Variants in PPP2R5E observed in about 807,000 individuals in gnomAD.
PPP2R5E encodes the protein serine/threonine-protein phosphatase 2A 56 kDa regulatory subunit epsilon isoform.
A neutral mutation model predicts 65.3 loss-of-function variants in PPP2R5E; 4 were observed. That is an observed-to-expected ratio of 0.06 (90% CI 0.03 to 0.14). The LOEUF (loss-of-function observed/expected upper bound fraction) is 0.14, where lower values mean the gene tolerates loss of function less well. Ranked by LOEUF, PPP2R5E falls within the 10% of genes least tolerant of loss-of-function variation. The pLI, the probability that PPP2R5E is intolerant of heterozygous loss-of-function variation, is 1.00. For missense variants in PPP2R5E, 274 were observed against 556.1 expected, an observed-to-expected ratio of 0.49 and a Z score of 5.10; for synonymous variants, 183 against 187.4, an observed-to-expected ratio of 0.98 and a Z score of 0.19.
intron 2 of PPP2R5E, among the ~76,000 whole-genome samples, chr14:63,459,565 A>C (rs1889339667): frequency 1.3e-5 from 2 of 152,204 alleles, no homozygotes; most frequent in Admixed American, 1.3e-4. Flanking sequence ...CCCAGAACCA[A>C]TCTGTTAACT....
chr14:63,389,814 G>A (rs990362313), intron 10 of PPP2R5E, 83 bp from the exon 11 acceptor site: 2 of 1,346,782 alleles, frequency 1.5e-6, no homozygotes, highest in Admixed American at 3.5e-5. Flanking sequence ...TGAGAGTTTG[G>A]ATTATTTTAA....
intron 5 of PPP2R5E, among the ~76,000 whole-genome samples, chr14:63,401,143 T>C (rs552743605): frequency 1.3e-5 from 2 of 152,322 alleles, no homozygotes; most frequent in East Asian, 1.9e-4. Context: ...TATTAAACTA[T>C]TTTTCTGCTT....
intron 2 of PPP2R5E, among the ~76,000 whole-genome samples, chr14:63,493,970 C>T (rs1335371565): frequency 6.6e-6 from 1 of 152,094 alleles, no homozygotes; most frequent in African/African-American, 2.4e-5. Context: ...TTCTCAAATA[C>T]TCTACTAGAA....
rs972619922 is a variant in PPP2R5E at position 63,535,813 on chromosome 14, T to A, written c.157+3716A>T. Among the ~76,000 whole-genome samples, 13 of 152,292 alleles carry A rather than the reference T, an allele frequency of 8.5e-5. No homozygotes were observed. The East Asian group carries it at 1.3e-3, about 16-fold the overall frequency. On this transcript the variant is annotated intron_variant, in intron 2 of 13. Transcript: ENST00000337537. Reference sequence around the variant, plus strand: ...CAAAGCAATACTATAGAAAATTAAATCAATAACTACCCTTAGCATGCATAT... The same window carrying A: ...CAAAGCAATACTATAGAAAATTAAAACAATAACTACCCTTAGCATGCATAT...
intron 3 of PPP2R5E, among the ~76,000 whole-genome samples, chr14:63,448,461 G>A (rs1888631384): frequency 6.6e-6 from 1 of 152,018 alleles, no homozygotes; most frequent in Non-Finnish European, 1.5e-5. Context: ...TGGAAAAAAT[G>A]GTACCAACAG....
chr14:63,446,828 CAAAA>C (rs55892835), intron 3 of PPP2R5E, among the ~76,000 whole-genome samples: 5 of 92,174 alleles, frequency 5.4e-5, no homozygotes, highest in Admixed American at 2.3e-4. Flanking sequence ...GACTCCATCT[CAAAA>C]AAAAAAAAAA....
At chr14:63,524,242 A>G (rs1163483301) in intron 2 of PPP2R5E, among the ~76,000 whole-genome samples, 3 of 152,250 alleles carry the variant, frequency 2.0e-5, no homozygotes, top group Non-Finnish European at 4.4e-5. Context: ...TGGTGCCTAC[A>G]TAACGGATGA....
intron 2 of PPP2R5E, among the ~76,000 whole-genome samples, chr14:63,506,746 G>T (rs966733674): frequency 4.7e-4 from 71 of 152,248 alleles, no homozygotes; most frequent in Non-Finnish European, 5.6e-4. Context: ...CAATATCTCA[G>T]AAAGTTAAAA....
intron 2 of PPP2R5E, among the ~76,000 whole-genome samples, chr14:63,468,468 A>G (rs1488064996): frequency 1.5e-4 from 23 of 152,262 alleles, no homozygotes; most frequent in Admixed American, 1.5e-3. Flanking sequence ...TGAGTCAGCT[A>G]TCAGTACATG....
chr14:63,491,102 T>C (rs1166488226), intron 2 of PPP2R5E, among the ~76,000 whole-genome samples: 1 of 152,130 alleles, frequency 6.6e-6, no homozygotes, highest in African/African-American at 2.4e-5. Flanking sequence ...TGGAGGTCAT[T>C]ATCCTAACTG....
At chr14:63,430,357 A>ACATACATGCATG (rs1566696301) in intron 3 of PPP2R5E, among the ~76,000 whole-genome samples, 4 of 128,182 alleles carry the variant, frequency 3.1e-5, no homozygotes, top group African/African-American at 1.5e-4. Flanking sequence ...ATACATACAT[A>ACATACATGCATG]CATACATACA....
chr14:63,523,861 A>G (rs1299745369), intron 2 of PPP2R5E, among the ~76,000 whole-genome samples: 1 of 152,214 alleles, frequency 6.6e-6, no homozygotes, highest in African/African-American at 2.4e-5. Flanking sequence ...CATTCAATCA[A>G]AAACAGTGTT....
intron 3 of PPP2R5E, among the ~76,000 whole-genome samples, chr14:63,422,453 G>A (rs976323015): frequency 2.0e-5 from 3 of 152,190 alleles, no homozygotes; most frequent in Non-Finnish European, 4.4e-5. Context: ...CTGGCCGGGC[G>A]CAGTGGCTCA....
intron 11 of PPP2R5E, among the ~76,000 whole-genome samples, chr14:63,386,647 G>A (rs1884685808): frequency 6.6e-6 from 1 of 152,178 alleles, no homozygotes; most frequent in African/African-American, 2.4e-5. Flanking sequence ...GTGGGGCTGG[G>A]TGTGGTGGCT....
At chr14:63,493,056 A>T (rs1891358925) in intron 2 of PPP2R5E, among the ~76,000 whole-genome samples, 1 of 152,184 alleles carries the variant, frequency 6.6e-6, no homozygotes, top group South Asian at 2.1e-4. Context: ...CTGATCTACT[A>T]AAGGTGAGTG....
chr14:63,525,518 C>G lies in PPP2R5E; in HGVS notation c.157+14011G>C, dbSNP rs997912104. Among the ~76,000 whole-genome samples the G allele has an allele frequency of 3.3e-5, 5 of 152,208 alleles. No homozygotes were observed. In the South Asian group the frequency reaches 6.2e-4, roughly 19 times the overall value. ...TACAGAGAGAGATGACAAATTCTGT[C>G]TCCACTCTGAGTGAGAAAACATGCC... On this transcript the variant is annotated intron_variant, in intron 2 of 13. Coordinates refer to ENST00000337537, the MANE Select transcript of PPP2R5E (RefSeq NM_006246.5).
At chr14:63,390,648 TTAAAA>T (rs1884965744) in intron 10 of PPP2R5E, among the ~76,000 whole-genome samples, 1 of 152,214 alleles carries the variant, frequency 6.6e-6, no homozygotes, top group Non-Finnish European at 1.5e-5. Flanking sequence ...CTTTCTGAAA[TTAAAA>T]TAGAGTTTGG....
At chr14:63,436,681 C>G (rs1887967294) in intron 3 of PPP2R5E, among the ~76,000 whole-genome samples, 1 of 152,212 alleles carries the variant, frequency 6.6e-6, no homozygotes, top group African/African-American at 2.4e-5. Context: ...GAAGACAGGA[C>G]AGCCAGCCCT....
chr14:63,505,110 G>A (rs76321384), intron 2 of PPP2R5E, among the ~76,000 whole-genome samples: 43 of 152,240 alleles, frequency 2.8e-4, no homozygotes, highest in Admixed American at 2.4e-3. Flanking sequence ...CGAGACAGGC[G>A]GATCATTTGA....
Sources: gnomAD v4.1 joint callset for allele counts (sites outside exome capture counted in the v4.1 genomes callset) on GRCh38, gnomAD v4.1.1 for gene constraint, MANE v1.5 for transcripts, NCBI Gene and HGNC (gene_info 2026-07-23, HGNC 2026-07-21) for gene names.